Variants in CSRNP2 observed in about 807,000 individuals in gnomAD.
The protein encoded by CSRNP2 is cysteine and serine rich nuclear protein 2, also known as cysteine/serine-rich nuclear protein 2.
CSRNP2 carries 11 observed loss-of-function variants against 36.6 expected under a neutral mutation model. That is an observed-to-expected ratio of 0.30 (90% CI 0.19 to 0.50). The LOEUF is 0.50. CSRNP2 is among the 20% of genes least tolerant of loss of function. The pLI is 0.98. For synonymous variants in CSRNP2, 248 were observed against 275.3 expected (o/e 0.90, Z 0.98); for missense variants, 483 against 691.4 (o/e 0.70, Z 3.38).
At chr12:51,070,801 G>C (rs1184566580) in intron 3 of CSRNP2, among the ~76,000 whole-genome samples, 1 of 152,192 alleles carries the variant, frequency 6.6e-6, no homozygotes, top group Non-Finnish European at 1.5e-5. Context: ...GAGAGATGCA[G>C]AATGTACATT....
At position 51,067,600 on chromosome 12, in the gene CSRNP2, T is replaced by G; in HGVS notation, c.708+73A>C. On this transcript the variant is annotated intron_variant, in intron 4 of 4. Transcript: ENST00000228515. The surrounding 1 kb of genome is among the most constrained non-coding windows in gnomAD (Gnocchi z 4.1). Reference sequence around the variant, plus strand: ...AATCCACCCCTGAATGGGCCTCCCATGTTCAGTGGCACCCACACCTCACCC... The same window carrying G: ...AATCCACCCCTGAATGGGCCTCCCAGGTTCAGTGGCACCCACACCTCACCC... 1.4e-6 allele frequency: 2 copies of G among 1,454,684 alleles called. No individual in the cohort carries two copies. Among genetic ancestry groups the G allele is most frequent in the Non-Finnish European group, 1.9e-6 (2 of 1,054,816 alleles). 90.1% of individuals were successfully genotyped at this position (1,454,684 alleles called of 1,614,324 possible).
At chr12:51,080,672 C>G (rs749966210) in intron 1 of CSRNP2, among the ~76,000 whole-genome samples, 3 of 152,190 alleles carry the variant, frequency 2.0e-5, no homozygotes, top group Non-Finnish European at 4.4e-5. Context: ...GGGAAATCCT[C>G]AAGGACTCCT....
intron 1 of CSRNP2, among the ~76,000 whole-genome samples, chr12:51,078,804 G>A (rs1939500546): frequency 6.6e-6 from 1 of 152,180 alleles, no homozygotes; most frequent in Admixed American, 6.5e-5. Flanking sequence ...CATTGTGGAA[G>A]ACAGTGTGGC....
intron 3 of CSRNP2, among the ~76,000 whole-genome samples, chr12:51,072,788 G>A (rs779858345): frequency 6.6e-6 from 1 of 152,162 alleles, no homozygotes; most frequent in African/African-American, 2.4e-5. Context: ...TTCAGAGACT[G>A]TGAAATATCC....
In CSRNP2 at chr12:51,074,026, G is replaced by A; in HGVS notation, c.208C>T (p.Gln70Ter). 6.2e-7 allele frequency: 1 copy of A among 1,614,244 alleles called. No homozygotes were observed. The highest frequency in any genetic ancestry group is 8.5e-7 in the Non-Finnish European group (1 of 1,180,044). Residue 70 changes from glutamine (Q) to a stop codon, truncating the protein, a stop_gained, in exon 3 of 5, where the codon CAG becomes TAG. Coordinates refer to ENST00000228515, the MANE Select transcript of CSRNP2 (RefSeq NM_030809.3). LOFTEE classifies it high-confidence loss of function. ...CGGGCAAAGTAGTATACAGTCACCT[G>A]GTCAAAGCGTACATTCTTCCTCCGC... ...QLRRKNVRFD[Q>*]VTVYYFARRQ...
intron 1 of CSRNP2, among the ~76,000 whole-genome samples, chr12:51,080,273 G>C (rs1939591628): frequency 6.6e-6 from 1 of 152,050 alleles, no homozygotes; most frequent in Non-Finnish European, 1.5e-5. Context: ...GCTTCTGGTA[G>C]TATCTCCGGT....
In CSRNP2 at chr12:51,076,506, CCCACAT is replaced by C; in HGVS notation, c.50_55del (p.Asp17_Val18del). The C allele has an allele frequency of 6.2e-7, 1 of 1,613,998 alleles. No homozygotes were observed. Among genetic ancestry groups the C allele is most frequent in the Non-Finnish European group, 8.5e-7 (1 of 1,179,970 alleles). On this transcript the variant is annotated inframe_deletion, in exon 2 of 5. Coordinates refer to ENST00000228515, the MANE Select transcript of CSRNP2 (RefSeq NM_030809.3). ...ATCATCTGAGTTGGAAACTGATGAGCCCACATCCACATCATCAAACTTCCTCTTGAG... is the reference window on the plus strand; with the variant it reads ...ATCATCTGAGTTGGAAACTGATGAGCCCACATCATCAAACTTCCTCTTGAG...
Position 51,064,513 on chromosome 12 carries a change from C to T in CSRNP2, c.865G>A (p.Ala289Thr), listed in dbSNP as rs368532972. The change falls in exon 5 of 5, where the codon GCC becomes ACC. Residue 289 changes from alanine (A) to threonine (T), a missense_variant. Coordinates refer to ENST00000228515, the MANE Select transcript of CSRNP2 (RefSeq NM_030809.3). ...GTCGGGGAGGGCTCCTCATCTGGGG[C>T]TGCTGGGCGGCTCACCTGCCGCTTG... The part of the protein sequence containing the change: ...ESKRQVSRPA[A>T]PDEEPSPTAS... The T allele has an allele frequency of 2.3e-5, 37 of 1,612,790 alleles. No homozygotes were observed. The highest frequency in any genetic ancestry group is 3.0e-5 in the Non-Finnish European group (35 of 1,179,358).
At chr12:51,076,811 G>A (rs374865112) in intron 1 of CSRNP2, 164 bp from the exon 2 acceptor site, 6 of 458,384 alleles carry the variant, frequency 1.3e-5, no homozygotes, top group Middle Eastern at 6.0e-4. Context: ...TCCTACTTTC[G>A]TTTCCCTTCA....
rs747136985 is a variant in CSRNP2 at position 51,063,778 on chromosome 12, C to A, written c.1600G>T (p.Asp534Tyr). ...GCCAGAGGGAGTTCTAAGGAAGAAT[C>A]TTCAGGGGGCCGATCCTCATTCTGC... ...SQQNEDRPPE[D>Y]SSLELPLAV Residue 534 changes from aspartate to tyrosine, a missense_variant, in exon 5 of 5, where the codon GAT becomes TAT. Physicochemically the swap from Asp to Tyr is radical, Grantham distance 160 (BLOSUM62 -3). Transcript: ENST00000228515. The A allele has an allele frequency of 8.2e-6, 13 of 1,582,222 alleles. No homozygotes were observed. The highest frequency in any genetic ancestry group is 9.5e-6 in the Non-Finnish European group (11 of 1,163,998).
At position 51,064,304 on chromosome 12, in the gene CSRNP2, C is replaced by T; in HGVS notation, c.1074G>A (p.Val358=). Residue 358 remains valine (V), a synonymous_variant, in exon 5 of 5, where the codon GTG becomes GTA. Coordinates refer to ENST00000228515, the MANE Select transcript of CSRNP2 (RefSeq NM_030809.3). ...CAGCCAGAGGCTCCTCTAGGATGCACACACCCAGGCTCTCGATGCTCGAGT... is the reference window on the plus strand; with the variant it reads ...CAGCCAGAGGCTCCTCTAGGATGCATACACCCAGGCTCTCGATGCTCGAGT... The part of the protein sequence containing the change: ...SLDSSIESLG[V]CILEEPLAVP... 1 of 1,613,838 alleles carries T rather than the reference C, an allele frequency of 6.2e-7. No homozygotes were observed.
At chr12:51,072,646 G>A (rs530416525) in intron 3 of CSRNP2, among the ~76,000 whole-genome samples, 6 of 15,534 alleles carry the variant, frequency 3.9e-4, no homozygotes, top group African/African-American at 9.1e-4. Flanking sequence ...TCTCTCTCTC[G>A]AAGAAGAGGT....
At chr12:51,075,726 C>A (rs1190281654) in intron 2 of CSRNP2, among the ~76,000 whole-genome samples, 1 of 152,304 alleles carries the variant, frequency 6.6e-6, no homozygotes, top group East Asian at 1.9e-4. Context: ...AGTATCAGTT[C>A]TTTCCAAGAA....
chr12:51,080,865 A>C (rs1007082831), intron 1 of CSRNP2, among the ~76,000 whole-genome samples: 3 of 152,220 alleles, frequency 2.0e-5, no homozygotes, highest in Non-Finnish European at 4.4e-5. Flanking sequence ...GGGCACCAAG[A>C]ACAAACCTCC....
intron 1 of CSRNP2, among the ~76,000 whole-genome samples, chr12:51,078,389 C>T (rs1023856794): frequency 1.0e-4 from 3 of 28,960 alleles, no homozygotes; most frequent in Non-Finnish European, 1.5e-4. Context: ...AATAAATTTG[C>T]CAGGGAAGAA....
In CSRNP2 at chr12:51,061,433, A is replaced by G. The variant is rs937369935; in HGVS notation, c.*2313T>C. ...CTAGGCCTAGACTGGGACTGAAGCT[A>G]TCTGCTTCTATGATCAGAGGCCTAG... is the stretch of plus-strand genomic sequence containing the variant. On this transcript the variant is annotated 3_prime_UTR_variant, in exon 5 of 5. Coordinates refer to ENST00000228515, the MANE Select transcript of CSRNP2 (RefSeq NM_030809.3). 1 of 152,640 alleles carries G rather than the reference A, an allele frequency of 6.6e-6. No homozygotes were observed. The highest frequency in any genetic ancestry group is 2.4e-5 in the African/African-American group (1 of 41,446). 9.5% of individuals were successfully genotyped at this position (152,640 alleles called of 1,614,324 possible). A position where few individuals can be genotyped will look rare whatever the true frequency, so the allele number is the denominator to read the frequency against.
In CSRNP2 at chr12:51,063,863, G is replaced by A. The variant is rs376540049; in HGVS notation, c.1515C>T (p.Pro505=). The part of the protein sequence containing the change: ...ENEDFHPSWS[P]SSLPFRTDNE... ...TGTCCGTGCGGAAGGGGAGGCTTGAGGGGGACCAGGAAGGGTGGAAGTCTT... is the reference window on the plus strand; with the variant it reads ...TGTCCGTGCGGAAGGGGAGGCTTGAAGGGGACCAGGAAGGGTGGAAGTCTT... The change falls in exon 5 of 5, where the codon CCC becomes CCT. Residue 505 remains proline, a synonymous_variant. Transcript: ENST00000228515. The A allele has an allele frequency of 1.9e-5, 30 of 1,613,990 alleles. No homozygotes were observed. Among genetic ancestry groups the A allele is most frequent in the Admixed American group, 3.3e-5 (2 of 59,996 alleles).
At chr12:51,080,118 A>G in intron 1 of CSRNP2, among the ~76,000 whole-genome samples, 1 of 140,342 alleles carries the variant, frequency 7.1e-6, no homozygotes, top group East Asian at 2.1e-4. Context: ...GAGGGAAGAG[A>G]AGAAGGCAAG....
Position 51,063,929 on chromosome 12 carries a change from A to C in CSRNP2, c.1449T>G (p.Ala483=). ...CAGGGTTACAATCTTCGGGCAATAG[A>C]GCTTCTAGGGTGGGTGTTTTCCCCA... is the stretch of plus-strand genomic sequence containing the variant. The part of the protein sequence containing the change: ...SEVGKTPTLE[A]LLPEDCNPEE... Residue 483 remains alanine, a synonymous_variant, in exon 5 of 5, where the codon GCT becomes GCG. Coordinates refer to ENST00000228515, the MANE Select transcript of CSRNP2 (RefSeq NM_030809.3). The C allele has an allele frequency of 6.2e-7, 1 of 1,613,704 alleles. No homozygotes were observed. Among genetic ancestry groups the C allele is most frequent in the Non-Finnish European group, 8.5e-7 (1 of 1,179,756 alleles).
Sources: allele counts gnomAD v4.1 joint callset (sites outside exome capture counted in the v4.1 genomes callset), GRCh38; gene constraint gnomAD v4.1.1; non-coding constraint Gnocchi (gnomAD v3.1); transcripts MANE v1.5; gene names NCBI Gene and HGNC (gene_info 2026-07-23, HGNC 2026-07-21).